Variants in ZFAT observed in about 807,000 individuals in gnomAD.
ZFAT encodes zinc finger and AT-hook domain containing.
Under a neutral mutation model 117.7 loss-of-function variants are expected in ZFAT, and 64 were observed. That is an observed-to-expected ratio of 0.54 (90% CI 0.44 to 0.67). The LOEUF (loss-of-function observed/expected upper bound fraction) is 0.67. Among genes scored for constraint, ZFAT ranks in the 30% least tolerant of loss-of-function variants. The pLI is 0.00. For missense variants in ZFAT, 1,433 were observed against 1,584.5 expected, an observed-to-expected ratio of 0.90 and a Z score of 1.62; for synonymous variants, 679 against 615.0, an observed-to-expected ratio of 1.10 and a Z score of -1.54.
rs78087897 is a variant in ZFAT, at chr8:134,629,374, T to C, written c.448+8087A>G. On this transcript the variant is annotated intron_variant, in intron 3 of 15. Coordinates refer to ENST00000377838, the MANE Select transcript of ZFAT (RefSeq NM_020863.4). ...ATAAGAACCATGCGGCCGTCACTAG[T>C]GACGGTCACCAAGCATTTCCAGGGC... Among the ~76,000 whole-genome samples, 399 of 152,204 alleles carry C rather than the reference T, an allele frequency of 2.6e-3. 4 individuals carry two copies. Among genetic ancestry groups the C allele is most frequent in the African/African-American group, 9.2e-3 (382 of 41,528 alleles).
the ZFAT span, among the ~76,000 whole-genome samples, chr8:134,750,971 T>C: frequency 6.6e-6 from 1 of 152,238 alleles, no homozygotes; most frequent in Non-Finnish European, 1.5e-5. Flanking sequence ...TAATGCTTTT[T>C]CTGCATCAAC....
At chr8:134,661,996 G>C (rs1360481942) in intron 1 of ZFAT, among the ~76,000 whole-genome samples, 1 of 152,214 alleles carries the variant, frequency 6.6e-6, no homozygotes, top group African/African-American at 2.4e-5. Context: ...CAGTCCATCT[G>C]AGTAGCTATC....
chr8:134,718,881 A>T, the ZFAT span, among the ~76,000 whole-genome samples: 1 of 152,256 alleles, frequency 6.6e-6, no homozygotes, highest in African/African-American at 2.4e-5. Context: ...GGGCTGGTTA[A>T]ACGGATAGTT....
intron 10 of ZFAT, among the ~76,000 whole-genome samples, chr8:134,572,545 C>T (rs1449508231): frequency 2.6e-5 from 4 of 152,204 alleles, no homozygotes; most frequent in East Asian, 1.9e-4. Flanking sequence ...CACTGACTTA[C>T]GGGTGCTCTT....
intron 4 of ZFAT, among the ~76,000 whole-genome samples, chr8:134,609,928 G>A (rs1000987261): frequency 6.6e-6 from 1 of 152,096 alleles, no homozygotes; most frequent in East Asian, 1.9e-4. Flanking sequence ...GATCTTAAAA[G>A]AAAAGAAAAA....
chr8:134,562,166 G>A (rs1193189287), intron 11 of ZFAT, among the ~76,000 whole-genome samples: 1 of 152,156 alleles, frequency 6.6e-6, no homozygotes, highest in Non-Finnish European at 1.5e-5. Context: ...TGAAGATGAA[G>A]GGAGTGGCCA....
At chr8:134,580,309 C>A (rs1825629977) in intron 10 of ZFAT, among the ~76,000 whole-genome samples, 1 of 152,208 alleles carries the variant, frequency 6.6e-6, no homozygotes, top group Non-Finnish European at 1.5e-5. Context: ...ACTCATACCA[C>A]AAATACAACT....
the ZFAT span, among the ~76,000 whole-genome samples, chr8:134,831,957 C>T: frequency 6.6e-6 from 1 of 151,410 alleles, no homozygotes; most frequent in Non-Finnish European, 1.5e-5. Flanking sequence ...GCTCCGGACG[C>T]CCTCTCCCGC....
chr8:134,749,818 C>G, the ZFAT span, among the ~76,000 whole-genome samples: 121,192 of 152,204 alleles, frequency 0.8, 48,600 homozygotes, highest in African/African-American at 0.89. Flanking sequence ...TGTTTCATTG[C>G]TCAATTTTTA....
the ZFAT span, chr8:134,723,192 C>A: frequency 6.6e-6 from 1 of 152,414 alleles, no homozygotes; most frequent in East Asian, 1.9e-4. Context: ...CCTGGAGTAA[C>A]AGGGATTCCT....
chr8:134,720,491 C>A, the ZFAT span, among the ~76,000 whole-genome samples: 1 of 152,044 alleles, frequency 6.6e-6, no homozygotes, highest in African/African-American at 2.4e-5. Context: ...GTCTTTCAAC[C>A]AAAGAAAGTT....
chr8:134,530,115 T>TTTAA (rs1821305240), intron 12 of ZFAT, among the ~76,000 whole-genome samples: 1 of 152,226 alleles, frequency 6.6e-6, no homozygotes, highest in African/African-American at 2.4e-5. Context: ...TGTGACACTG[T>TTTAA]TTAACACAGC....
At chr8:134,507,876 C>T (rs547939369) in intron 15 of ZFAT, among the ~76,000 whole-genome samples, 2 of 152,298 alleles carry the variant, frequency 1.3e-5, no homozygotes, top group African/African-American at 4.8e-5. Context: ...GAGACCCTTC[C>T]TAAAGTACCA....
the ZFAT span, among the ~76,000 whole-genome samples, chr8:134,824,419 G>A: frequency 6.6e-6 from 1 of 152,154 alleles, no homozygotes; most frequent in Non-Finnish European, 1.5e-5. Context: ...TAACAATAGA[G>A]GCTATCGTAT....
chr8:134,749,148 A>G, the ZFAT span, among the ~76,000 whole-genome samples: 2 of 152,168 alleles, frequency 1.3e-5, no homozygotes, highest in Non-Finnish European at 2.9e-5. Context: ...AATTTTTACT[A>G]TAACCAATTT....
chr8:134,587,656 T>G (rs1294807365), intron 9 of ZFAT, among the ~76,000 whole-genome samples: 2 of 152,200 alleles, frequency 1.3e-5, no homozygotes, highest in African/African-American at 2.4e-5. Context: ...GTTGCCCTAG[T>G]AGAATCTTCA....
the ZFAT span, among the ~76,000 whole-genome samples, chr8:134,730,958 AG>A: frequency 6.6e-6 from 1 of 152,254 alleles, no homozygotes; most frequent in African/African-American, 2.4e-5. Context: ...AAGTATCCAA[AG>A]ATGAAACGGT....
intron 11 of ZFAT, 89 bp from the exon 12 acceptor site, chr8:134,533,061 T>C: frequency 6.6e-7 from 1 of 1,512,760 alleles, no homozygotes; most frequent in Non-Finnish European, 8.9e-7. Flanking sequence ...TCTGACACCC[T>C]GAAAGCCTGA....
the ZFAT span, chr8:134,796,277 T>C: frequency 6.6e-5 from 10 of 152,246 alleles, no homozygotes; most frequent in Non-Finnish European, 1.3e-4. Context: ...AACCGCTAAC[T>C]GCTTGTGACT....
Sources: allele counts gnomAD v4.1 joint callset (sites outside exome capture counted in the v4.1 genomes callset), GRCh38; gene constraint gnomAD v4.1.1; transcripts MANE v1.5; gene names NCBI Gene and HGNC (gene_info 2026-07-23, HGNC 2026-07-21).